CACUL1: variants seen among roughly 807,000 people sequenced by gnomAD.
CACUL1 encodes the protein CDK2-associated and cullin domain-containing protein 1.
A neutral mutation model predicts 45.2 loss-of-function variants in CACUL1; 13 were observed. The ratio of observed to expected loss-of-function variants is 0.29; its 90% confidence interval spans 0.19 to 0.46. CACUL1 has a LOEUF of 0.46. Ranked by LOEUF, CACUL1 falls within the 20% of genes least tolerant of loss-of-function variation. The probability of loss-of-function intolerance (pLI) is 1.00; values close to 1 mark genes in which losing one functional copy is unlikely to be tolerated. For missense variants in CACUL1, 421 were observed against 471.4 expected (o/e 0.89, Z 0.99); for synonymous variants, 197 against 174.2 (o/e 1.13, Z -1.03).
rs1186880897 is a variant in CACUL1, at chr10:118,678,313, T to C, written c.*7815A>G. On this transcript the variant is annotated 3_prime_UTR_variant, in exon 9 of 9. Transcript: ENST00000369151. Reference sequence around the variant, plus strand: ...AATGGTAGCCAAATTACTTATCTACTGATAGTCTGCATTTTCTATCTTGTT... The same window carrying C: ...AATGGTAGCCAAATTACTTATCTACCGATAGTCTGCATTTTCTATCTTGTT... 1 of 152,242 alleles carries C rather than the reference T, an allele frequency of 6.6e-6. No homozygotes were observed. Among genetic ancestry groups the C allele is most frequent in the Non-Finnish European group, 1.5e-5 (1 of 68,052 alleles). 9.4% of individuals were successfully genotyped at this position (152,242 alleles called of 1,614,324 possible). A position where few individuals can be genotyped will look rare whatever the true frequency, so the allele number is the denominator to read the frequency against.
chr10:118,687,195 T>C (rs1223573938), intron 7 of CACUL1, among the ~76,000 whole-genome samples: 2 of 152,132 alleles, frequency 1.3e-5, no homozygotes, highest in East Asian at 3.8e-4. Context: ...TCTTTTCTTC[T>C]CCACGTGTAG....
intron 1 of CACUL1, among the ~76,000 whole-genome samples, chr10:118,732,993 A>G (rs1320507061): frequency 6.6e-6 from 1 of 152,186 alleles, no homozygotes; most frequent in African/African-American, 2.4e-5. Context: ...AACACGCTCA[A>G]AAAGAAAACT....
At chr10:118,706,168 C>T (rs2119589069) in intron 4 of CACUL1, among the ~76,000 whole-genome samples, 1 of 152,278 alleles carries the variant, frequency 6.6e-6, no homozygotes, top group East Asian at 1.9e-4. Flanking sequence ...CCTTTTGATT[C>T]AAAATTATGA....
intron 6 of CACUL1, among the ~76,000 whole-genome samples, chr10:118,694,581 G>T (rs913687864): frequency 2.0e-5 from 3 of 152,172 alleles, no homozygotes; most frequent in Non-Finnish European, 4.4e-5. Context: ...ATATACAAAA[G>T]CTCCTTGGGA....
intron 3 of CACUL1, among the ~76,000 whole-genome samples, chr10:118,723,525 G>A (rs2119626819): frequency 6.6e-6 from 1 of 152,084 alleles, no homozygotes; most frequent in Middle Eastern, 3.4e-3. Flanking sequence ...CTTTCTATCT[G>A]AAAAACACTT....
At chr10:118,708,484 C>T (rs1456928188) in intron 3 of CACUL1, among the ~76,000 whole-genome samples, 1 of 152,168 alleles carries the variant, frequency 6.6e-6, no homozygotes, top group African/African-American at 2.4e-5. Context: ...CCTCTATTAA[C>T]TCACTTTTAC....
At chr10:118,707,452 C>A (rs776727102) in intron 4 of CACUL1, 40 bp downstream of exon 4, 1 of 929,086 alleles carries the variant, frequency 1.1e-6, no homozygotes, top group South Asian at 1.3e-5. Flanking sequence ...CTCAACAATA[C>A]ACCTAGGTAT....
At chr10:118,721,451 T>C (rs765508247) in intron 3 of CACUL1, among the ~76,000 whole-genome samples, 1 of 151,078 alleles carries the variant, frequency 6.6e-6, no homozygotes, top group Non-Finnish European at 1.5e-5. Flanking sequence ...GACATCAACA[T>C]CACTCTAATT....
chr10:118,718,375 CA>C (rs772944907), intron 3 of CACUL1, among the ~76,000 whole-genome samples: 4 of 152,040 alleles, frequency 2.6e-5, no homozygotes, highest in Non-Finnish European at 5.9e-5. Flanking sequence ...ACCTGCACAC[CA>C]AACCAGAGAT....
At chr10:118,750,607 C>T (rs1845888437) in intron 1 of CACUL1, among the ~76,000 whole-genome samples, 1 of 152,164 alleles carries the variant, frequency 6.6e-6, no homozygotes, top group African/African-American at 2.4e-5. Context: ...TAAAGTATAC[C>T]TTCACTGCCA....
rs546163114 is a variant in CACUL1, at chr10:118,712,437, G to T, written c.598-4850C>A. On this transcript the variant is annotated intron_variant, in intron 3 of 8. Transcript: ENST00000369151. ...AGCTCTTCTTTCCTTCTCTTCACCC[G>T]CAATGTGGCAAGCAAGTGGCATGTC... Among the ~76,000 whole-genome samples the T allele has an allele frequency of 3.5e-4, 53 of 152,334 alleles. 1 individual carries two copies. The South Asian group carries it at 0.011, about 31-fold the overall frequency.
chr10:118,686,256 ACTC>A (rs1845204683), intron 8 of CACUL1, 88 bp from the exon 9 acceptor site: 1 of 1,124,616 alleles, frequency 8.9e-7, no homozygotes. Context: ...CACATTTCTC[ACTC>A]CTCTCCCAAC....
At chr10:118,706,713 T>C (rs1252526662) in intron 4 of CACUL1, among the ~76,000 whole-genome samples, 1 of 152,246 alleles carries the variant, frequency 6.6e-6, no homozygotes, top group Non-Finnish European at 1.5e-5. Flanking sequence ...TTAAAATTGT[T>C]GTCAGTAACC....
intron 3 of CACUL1, among the ~76,000 whole-genome samples, chr10:118,717,536 A>G (rs1475688791): frequency 1.3e-5 from 2 of 152,236 alleles, no homozygotes; most frequent in African/African-American, 4.8e-5. Context: ...CGAGCTCATC[A>G]GACACCTAAG....
intron 1 of CACUL1, among the ~76,000 whole-genome samples, chr10:118,741,791 G>A (rs969046892): frequency 3.3e-5 from 5 of 152,080 alleles, no homozygotes; most frequent in Non-Finnish European, 7.4e-5. Context: ...CATTACTACA[G>A]AAGAAAATCC....
At chr10:118,712,522 G>T (rs1479052819) in intron 3 of CACUL1, among the ~76,000 whole-genome samples, 1 of 152,230 alleles carries the variant, frequency 6.6e-6, no homozygotes, top group Non-Finnish European at 1.5e-5. Flanking sequence ...CTGAGTTCTT[G>T]TCCTGTGACC....
rs766438203 is a variant in CACUL1 at position 118,730,319 on chromosome 10, A to G, written c.459T>C (p.Gly153=). Residue 153 remains glycine (G), a synonymous_variant, in exon 2 of 9, where the codon GGT becomes GGC. Transcript: ENST00000369151. ...GTTCATAGGATATGGGGATATAGTCACCAGGACTCTGAGTTAAAAGTTGAT... is the reference window on the plus strand; with the variant it reads ...GTTCATAGGATATGGGGATATAGTCGCCAGGACTCTGAGTTAAAAGTTGAT... ...AIDQLLTQSP[G]DYIPISYEQI... is the part of the protein sequence containing the mutation. 14 of 1,613,930 alleles carry G rather than the reference A, an allele frequency of 8.7e-6. No homozygotes were observed. The highest frequency in any genetic ancestry group is 1.2e-5 in the Non-Finnish European group (14 of 1,179,906).
chr10:118,714,147 T>G (rs1461705747), intron 3 of CACUL1, among the ~76,000 whole-genome samples: 1 of 152,238 alleles, frequency 6.6e-6, no homozygotes, highest in Non-Finnish European at 1.5e-5. Context: ...GATTCTCATA[T>G]CTGCTTCTGC....
At chr10:118,734,155 C>A (rs990091261) in intron 1 of CACUL1, among the ~76,000 whole-genome samples, 1 of 152,202 alleles carries the variant, frequency 6.6e-6, no homozygotes, top group Admixed American at 6.5e-5. Flanking sequence ...CCTATTTAGA[C>A]AATACTTTTC....
Sources: allele counts gnomAD v4.1 joint callset (sites outside exome capture counted in the v4.1 genomes callset), GRCh38; gene constraint gnomAD v4.1.1; transcripts MANE v1.5; gene names NCBI Gene and HGNC (gene_info 2026-07-23, HGNC 2026-07-21).